Variants in RAD51B observed in about 807,000 individuals in gnomAD.
RAD51B encodes the protein DNA repair protein RAD51 homolog 2.
In RAD51B, 38 loss-of-function variants were observed where a neutral mutation model predicts 42.2. The observed-to-expected ratio is 0.90, with a 90% CI of 0.70 to 1.18. The LOEUF is 1.18. Among genes scored for constraint, RAD51B ranks in the 50% most tolerant of loss-of-function variants. The pLI is 0.00. For synonymous variants in RAD51B, 154 were observed against 145.2 expected (o/e 1.06, Z -0.43); for missense variants, 373 against 400.7 (o/e 0.93, Z 0.59).
Position 68,674,154 on chromosome 14 carries a change from CACAT to C in RAD51B, c.*11+23300_*11+23303del, listed in dbSNP as rs745897999. Among the ~76,000 whole-genome samples, 20 of 149,390 alleles carry C rather than the reference CACAT, an allele frequency of 1.3e-4. No individual in the cohort carries two copies. In the East Asian group the frequency reaches 2.1e-3, roughly 16 times the overall value. On this transcript the variant is annotated intron_variant, in intron 11 of 11. Transcript: ENST00000488612. ...ACACACACATATACAATACTGTACA[CACAT>C]ATATACACACATACTGTATACACAT...
Position 68,142,194 on chromosome 14 carries a change from T to A in RAD51B, c.757-149690T>A, listed in dbSNP as rs574663099. On this transcript the variant is annotated intron_variant, in intron 7 of 10. Transcript: ENST00000471583. ...ATTTCTATAGTACTGGAAGAAAAAA[T>A]TTTTTAGAGTAAAGGAAACCACAGT... is the stretch of plus-strand genomic sequence containing the variant. Among the ~76,000 whole-genome samples the A allele has an allele frequency of 3.4e-4, 52 of 152,116 alleles. No individual in the cohort carries two copies. In the East Asian group the frequency reaches 5.8e-3, roughly 17 times the overall value.
chr14:68,366,366 T>C (rs1225126808), intron 8 of RAD51B, among the ~76,000 whole-genome samples: 1 of 152,202 alleles, frequency 6.6e-6, no homozygotes, highest in Non-Finnish European at 1.5e-5. Context: ...AAAGCAAGAC[T>C]GAATCTATTT....
chr14:68,361,983 G>A (rs2083035478), intron 8 of RAD51B, among the ~76,000 whole-genome samples: 1 of 152,066 alleles, frequency 6.6e-6, no homozygotes, highest in Non-Finnish European at 1.5e-5. Context: ...GCCCCTTGAA[G>A]TCTTTATAGT....
At chr14:68,600,963 T>G (rs1034351059), downstream of RAD51B, among the ~76,000 whole-genome samples, 18 of 150,640 alleles carry the variant, frequency 1.2e-4, no homozygotes, top group Non-Finnish European at 2.2e-4. Flanking sequence ...AGAATTCTTG[T>G]GTGTGGGTAC....
At chr14:68,338,436 T>TTTGTA (rs2082501915) in intron 8 of RAD51B, among the ~76,000 whole-genome samples, 1 of 152,176 alleles carries the variant, frequency 6.6e-6, no homozygotes, top group South Asian at 2.1e-4. Flanking sequence ...ATTACCCACA[T>TTTGTA]TTGTACGTCC....
intron 10 of RAD51B, among the ~76,000 whole-genome samples, chr14:68,524,993 T>C (rs1886828817): frequency 6.6e-6 from 1 of 152,208 alleles, no homozygotes; most frequent in African/African-American, 2.4e-5. Context: ...CCTTTGAACC[T>C]GTGCATATGT....
intron 10 of RAD51B, among the ~76,000 whole-genome samples, chr14:68,571,206 T>C (rs1889684380): frequency 6.6e-6 from 1 of 152,218 alleles, no homozygotes; most frequent in Non-Finnish European, 1.5e-5. Context: ...GCTGCAGTGC[T>C]GGGTACAACC....
rs573859273 is a variant in RAD51B, at chr14:67,996,451, T to A, written c.756+109247T>A. Among the ~76,000 whole-genome samples the A allele has an allele frequency of 6.2e-5, 9 of 145,330 alleles. No individual in the cohort carries two copies. The East Asian group carries it at 1.4e-3, about 23-fold the overall frequency. ...ATAAATAAATAAATAAATAAATAAA[T>A]AAAAGATGTTCCATAACGGTGAAAT... On this transcript the variant is annotated intron_variant, in intron 7 of 10. Transcript: ENST00000471583.
chr14:68,123,715 G>A (rs2077699408), intron 7 of RAD51B, among the ~76,000 whole-genome samples: 1 of 152,110 alleles, frequency 6.6e-6, no homozygotes. Flanking sequence ...GGCTGAGGTG[G>A]GAGAATTGCT....
At chr14:68,541,881 T>C (rs926038191) in intron 10 of RAD51B, 20 of 947,988 alleles carry the variant, frequency 2.1e-5, no homozygotes, top group African/African-American at 5.3e-5. Context: ...TCCTCTTTTA[T>C]TGAGATCCCC....
At chr14:68,580,217 GT>G (rs1343395081) in intron 10 of RAD51B, among the ~76,000 whole-genome samples, 1 of 152,208 alleles carries the variant, frequency 6.6e-6, no homozygotes, top group Non-Finnish European at 1.5e-5. Context: ...TGTTCTGGAA[GT>G]TTCTCTCAGT....
intron 7 of RAD51B, among the ~76,000 whole-genome samples, chr14:68,025,290 T>C (rs1368570709): frequency 6.6e-6 from 1 of 152,106 alleles, no homozygotes; most frequent in East Asian, 1.9e-4. Context: ...ATCAGGGATA[T>C]TGGCCTGAAG....
At chr14:67,943,291 T>C (rs576836880) in intron 7 of RAD51B, among the ~76,000 whole-genome samples, 2 of 152,274 alleles carry the variant, frequency 1.3e-5, no homozygotes, top group East Asian at 3.9e-4. Context: ...TTTATTATAT[T>C]GGAGACAAAC....
chr14:68,398,484 G>A (rs1198935425), intron 8 of RAD51B, among the ~76,000 whole-genome samples: 1 of 152,114 alleles, frequency 6.6e-6, no homozygotes, highest in East Asian at 1.9e-4. Flanking sequence ...GACTGAGGAG[G>A]GGCCTTAATG....
At chr14:68,385,269 C>G (rs190982224) in intron 8 of RAD51B, among the ~76,000 whole-genome samples, 2 of 152,250 alleles carry the variant, frequency 1.3e-5, no homozygotes, top group East Asian at 3.9e-4. Flanking sequence ...AAGTTTTCTC[C>G]CCAGCCCCTG....
chr14:68,340,142 G>A (rs568873489), intron 8 of RAD51B, among the ~76,000 whole-genome samples: 12 of 152,150 alleles, frequency 7.9e-5, no homozygotes, highest in Non-Finnish European at 1.5e-4. Context: ...TCTTTGGACC[G>A]ATACAATGAG....
chr14:68,561,405 G>A (rs1029125870), intron 10 of RAD51B, among the ~76,000 whole-genome samples: 1 of 152,172 alleles, frequency 6.6e-6, no homozygotes, highest in Non-Finnish European at 1.5e-5. Context: ...CATCTAGAGG[G>A]CCCCCTTGGA....
intron 7 of RAD51B, among the ~76,000 whole-genome samples, chr14:67,996,549 A>T (rs2075388088): frequency 6.6e-6 from 1 of 152,224 alleles, no homozygotes; most frequent in Non-Finnish European, 1.5e-5. Flanking sequence ...GAGAACAGTC[A>T]GTGCAAAGGC....
chr14:68,364,931 T>C (rs2083109668), intron 8 of RAD51B, among the ~76,000 whole-genome samples: 1 of 152,176 alleles, frequency 6.6e-6, no homozygotes, highest in Non-Finnish European at 1.5e-5. Context: ...CTTTCAATAG[T>C]TTTAGGGCAG....
Sources: gnomAD v4.1 joint callset for allele counts (sites outside exome capture counted in the v4.1 genomes callset) on GRCh38, gnomAD v4.1.1 for gene constraint, MANE v1.5 for transcripts, NCBI Gene and HGNC (gene_info 2026-07-23, HGNC 2026-07-21) for gene names.